Variants in EXD3 observed in about 807,000 individuals in gnomAD.
The protein encoded by EXD3 is exonuclease 3'-5' domain containing 3, also known as exonuclease mut-7 homolog.
EXD3 carries 92 observed loss-of-function variants against 98.0 expected under a neutral mutation model. The observed-to-expected ratio is 0.94, with a 90% CI of 0.79 to 1.12. EXD3 has a LOEUF of 1.12. Among genes scored for constraint, EXD3 ranks in the 50% most tolerant of loss-of-function variants. EXD3 has a pLI of 0.00. For synonymous variants in EXD3, 569 were observed against 526.0 expected (o/e 1.08, Z -1.12); for missense variants, 1,222 against 1,191.6 (o/e 1.03, Z -0.38).
intron 2 of EXD3, chr9:137,392,781 TCCA>T: frequency 3.2e-6 from 1 of 313,776 alleles, no homozygotes; most frequent in South Asian, 2.3e-5. Context: ...CCGAGGCTGT[TCCA>T]GGGGGCATCG....
chr9:137,408,546 C>CAAAAAAAAAAAAAAAAAAAAAAAAAAAA lies in EXD3; in HGVS notation c.-47-13143_-47-13142insTTTTTTTTTTTTTTTTTTTTTTTTTTTT, dbSNP rs570243090. ...TGGGCGATAGAGTGAGACTCTGCCT[C>CAAAAAAAAAAAAAAAAAAAAAAAAAAAA]AAAAAAAAAAAAAAAAAAAGAGGGC... On this transcript the variant is annotated intron_variant, in intron 1 of 21. Transcript: ENST00000340951. Among the ~76,000 whole-genome samples the CAAAAAAAAAAAAAAAAAAAAAAAAAAAA allele has an allele frequency of 7.4e-4, 33 of 44,462 alleles. 1 individual carries two copies. The highest frequency in any genetic ancestry group is 1.3e-3 in the African/African-American group (12 of 9,356). The allele number at this position is 44,462 out of a possible 152,430, so 29.2% of individuals were successfully genotyped here. A position where few individuals can be genotyped will look rare whatever the true frequency, so the allele number is the denominator to read the frequency against.
intron 19 of EXD3, among the ~76,000 whole-genome samples, chr9:137,320,778 T>G (rs1417513406): frequency 1.3e-5 from 2 of 152,090 alleles, no homozygotes; most frequent in African/African-American, 4.8e-5. Context: ...TGGCCAGGGC[T>G]CCAGCAGGGG....
chr9:137,335,933 A>G (rs1408245137), intron 17 of EXD3, among the ~76,000 whole-genome samples: 1 of 152,194 alleles, frequency 6.6e-6, no homozygotes, highest in African/African-American at 2.4e-5. Flanking sequence ...TGTGGTATAT[A>G]TATACCATGG....
Position 137,352,081 on chromosome 9 carries a change from C to T in EXD3, c.1158G>A (p.Glu386=), listed in dbSNP as rs2119228736. The T allele has an allele frequency of 6.2e-7, 1 of 1,612,100 alleles. No individual in the cohort carries two copies. Among genetic ancestry groups the T allele is most frequent in the African/African-American group, 1.3e-5 (1 of 75,062 alleles). Residue 386 remains glutamate (E), a synonymous_variant, in exon 12 of 22, where the codon GAG becomes GAA. Transcript: ENST00000340951. The part of the protein sequence containing the change: ...LASWEDLTRH[E]GALLQCHQVV... ...AGGGAACCACCTGCAGGAGTGCACC[C>T]TCGTGTCTGGTCAGGTCTTCCCACG... is the stretch of plus-strand genomic sequence containing the variant.
rs1837774144 is a variant in EXD3 at position 137,407,380 on chromosome 9, C to T, written c.-47-11976G>A. On this transcript the variant is annotated intron_variant, in intron 1 of 21. Coordinates refer to ENST00000340951, the MANE Select transcript of EXD3 (RefSeq NM_017820.5). The surrounding 1 kb of genome is among the most constrained non-coding windows in gnomAD (Gnocchi z 4.4). ...GAGGTGACTGCTCCCCCGCGAAGCC[C>T]ACCCACCTGAGGTCCTGGCCCCCAA... Among the ~76,000 whole-genome samples, 1 of 152,242 alleles carries T rather than the reference C, an allele frequency of 6.6e-6. No individual in the cohort carries two copies. Among genetic ancestry groups the T allele is most frequent in the Non-Finnish European group, 1.5e-5 (1 of 68,036 alleles).
intron 1 of EXD3, among the ~76,000 whole-genome samples, chr9:137,420,364 T>C (rs73565536): frequency 0.018 from 2,692 of 152,294 alleles, 81 homozygotes; most frequent in African/African-American, 0.062. Flanking sequence ...AAAACTGAAA[T>C]ATTTGTCTTT....
chr9:137,405,447 G>A lies in EXD3; in HGVS notation c.-47-10043C>T, dbSNP rs1003800902. On this transcript the variant is annotated intron_variant, in intron 1 of 21. Coordinates refer to ENST00000340951, the MANE Select transcript of EXD3 (RefSeq NM_017820.5). This position sits in a 1 kb window ranked among gnomAD's most constrained non-coding sequence, Gnocchi z 4.1. ...GTGGCCCAAGGATTTGCAGAGCCGC[G>A]GACGGAGCCCAGGGCGGCCGTCGCA... Among the ~76,000 whole-genome samples the A allele has an allele frequency of 3.9e-5, 6 of 152,212 alleles. No individual in the cohort carries two copies. The highest frequency in any genetic ancestry group is 1.9e-4 in the East Asian group (1 of 5,188).
intron 19 of EXD3, among the ~76,000 whole-genome samples, chr9:137,318,462 G>A (rs1050698338): frequency 2.6e-5 from 4 of 152,114 alleles, no homozygotes; most frequent in East Asian, 1.9e-4. Flanking sequence ...GCTGCAGCCC[G>A]CTCCTCAACC....
rs1836630741 is a variant in EXD3 at position 137,386,998 on chromosome 9, C to CTG, written c.56-3622_56-3621insCA. On this transcript the variant is annotated intron_variant, in intron 2 of 21. Coordinates refer to ENST00000340951, the MANE Select transcript of EXD3 (RefSeq NM_017820.5). ...TCCCTGCCTGCCTCCCTCAGCACCCCCGCTCCCTGCCTGGCCCCCTCAGCA... is the reference window on the plus strand; with the variant it reads ...TCCCTGCCTGCCTCCCTCAGCACCCCTGCGCTCCCTGCCTGGCCCCCTCAGCA... Among the ~76,000 whole-genome samples the CTG allele has an allele frequency of 1.4e-5, 2 of 141,800 alleles. 1 individual carries two copies. Among genetic ancestry groups the CTG allele is most frequent in the African/African-American group, 5.4e-5 (2 of 36,846 alleles). 93.0% of individuals were successfully genotyped at this position (141,800 alleles called of 152,430 possible).
intron 1 of EXD3, among the ~76,000 whole-genome samples, chr9:137,418,652 AAG>A (rs1339176713): frequency 6.6e-6 from 1 of 152,242 alleles, no homozygotes; most frequent in African/African-American, 2.4e-5. Context: ...TACTAAATAT[AAG>A]AGAAACAATT....
At chr9:137,384,200 C>T (rs1194370988) in intron 2 of EXD3, among the ~76,000 whole-genome samples, 1 of 152,190 alleles carries the variant, frequency 6.6e-6, no homozygotes, top group Non-Finnish European at 1.5e-5. Context: ...GGGAAGGCCC[C>T]GTGTTGCTGC....
rs149008641 is a variant in EXD3 at position 137,344,895 on chromosome 9, C to A, written c.1998+3176G>T. Reference sequence around the variant, plus strand: ...TCTGGAGATCTCCTCAGCTGAATATCCAGGTCTTCAGCTCACATTTCACCA... The same window carrying A: ...TCTGGAGATCTCCTCAGCTGAATATACAGGTCTTCAGCTCACATTTCACCA... On this transcript the variant is annotated intron_variant, in intron 17 of 21. Transcript: ENST00000340951. Among the ~76,000 whole-genome samples, 326 of 152,044 alleles carry A rather than the reference C, an allele frequency of 2.1e-3. 3 individuals are homozygous for A. Among genetic ancestry groups the A allele is most frequent in the African/African-American group, 7.6e-3 (314 of 41,450 alleles).
intron 1 of EXD3, among the ~76,000 whole-genome samples, chr9:137,420,737 AC>A (rs34647307): frequency 0.023 from 2,613 of 112,160 alleles, 108 homozygotes; most frequent in African/African-American, 0.065. Flanking sequence ...ACAGACATTC[AC>A]CCCCCCCCCC....
rs545879120 is a variant in EXD3, at chr9:137,420,146, G to C, written c.-48+2968C>G. On this transcript the variant is annotated intron_variant, in intron 1 of 21. Transcript: ENST00000340951. Reference sequence around the variant, plus strand: ...CTGCACTCCAGCCTGGGCGACAGAGGGAGACTCCGCCTAAAAAAAAAACAA... The same window carrying C: ...CTGCACTCCAGCCTGGGCGACAGAGCGAGACTCCGCCTAAAAAAAAAACAA... 5.9e-5 allele frequency among the ~76,000 whole-genome samples: 9 copies of C among 151,786 alleles called. No individual in the cohort carries two copies. In the East Asian group the frequency reaches 7.7e-4, roughly 13 times the overall value.
At chr9:137,391,915 AAGC>A (rs1198650564) in intron 2 of EXD3, 1 of 152,212 alleles carries the variant, frequency 6.6e-6, no homozygotes, top group Admixed American at 6.5e-5. Flanking sequence ...TCCAGGGTTC[AAGC>A]AGTTCTACTG....
rs1835357927 is a variant in EXD3 at position 137,367,985 on chromosome 9, G to A, written c.467C>T (p.Ala156Val). 5 of 1,608,980 alleles carry A rather than the reference G, an allele frequency of 3.1e-6. No individual in the cohort carries two copies. The South Asian group carries it at 4.4e-5, about 14-fold the overall frequency. ...CAGCTTCAACGTCGCGCCCAGCGTG[G>A]CTGCCTGGCAAACACAAAGGCGGCA... ...LHHEGRFREA[A>V]TLGATLKLQS... Residue 156 changes from alanine to valine, a missense_variant, in exon 6 of 22, where the codon GCC (alanine) becomes GTC (valine). Transcript: ENST00000340951.
In EXD3 at chr9:137,352,766, C is replaced by T. The variant is rs539438670; in HGVS notation, c.891G>A (p.Pro297=). 23 of 1,580,752 alleles carry T rather than the reference C, an allele frequency of 1.5e-5. No homozygotes were observed. The highest frequency in any genetic ancestry group is 1.1e-4 in the Admixed American group (6 of 53,888). ...GCTGAGACAGCTGCTCCTGAAGCCA[C>T]GGGCTCTGCCCCACCAGGCCCTGTG... ...DHVQGLVGQS[P]WLQEQLSQLL... Residue 297 remains proline (P), a synonymous_variant, in exon 11 of 22, where the codon CCG becomes CCA. Transcript: ENST00000340951.
At position 137,307,618 on chromosome 9, in the gene EXD3, C is replaced by T. The variant is rs1219513202; in HGVS notation, c.2307G>A (p.Val769=). ...GGTCCCGGGGCTCACCTGGCTCCTG[C>T]ACCGCCTGGCTCTGGGTGGCCTCGT... is the stretch of plus-strand genomic sequence containing the variant. ...SGDEATQSQA[V]QEPGPAPDAA... The change falls in exon 21 of 22, where the codon GTG becomes GTA. Residue 769 remains valine (V), a synonymous_variant. Transcript: ENST00000340951. 3 of 1,610,114 alleles carry T rather than the reference C, an allele frequency of 1.9e-6. No homozygotes were observed. Among genetic ancestry groups the T allele is most frequent in the Non-Finnish European group, 8.5e-7 (1 of 1,179,690 alleles).
rs151081850 is a variant in EXD3, at chr9:137,354,431, G to C, written c.832-54C>G. ...GCCAGGCAGCTCCAGAGGCTGTATC[G>C]GGGCCTGGTGGGAGTTTTCCTCGAC... On this transcript the variant is annotated intron_variant, in intron 9 of 21. Transcript: ENST00000340951. 750 of 1,609,548 alleles carry C rather than the reference G, an allele frequency of 4.7e-4. 6 individuals carry two copies. The East Asian group carries it at 0.014, about 31-fold the overall frequency.
Sources: allele counts gnomAD v4.1 joint callset (sites outside exome capture counted in the v4.1 genomes callset), GRCh38; gene constraint gnomAD v4.1.1; non-coding constraint Gnocchi (gnomAD v3.1); transcripts MANE v1.5; gene names NCBI Gene and HGNC (gene_info 2026-07-23, HGNC 2026-07-21).